ZHX2: variants seen among roughly 807,000 people sequenced by gnomAD.
ZHX2 encodes zinc fingers and homeoboxes 2.
Under a neutral mutation model 21.9 loss-of-function variants are expected in ZHX2, and 6 were observed. The observed-to-expected ratio is 0.27, with a 90% confidence interval of 0.15 to 0.54. ZHX2 has a LOEUF of 0.54. Among genes scored for constraint, ZHX2 ranks in the 20% least tolerant of loss-of-function variants. ZHX2 has a pLI of 0.95. For synonymous variants in ZHX2, 434 were observed against 437.1 expected, an observed-to-expected ratio of 0.99 and a Z score of 0.09; for missense variants, 908 against 1,090.7, an observed-to-expected ratio of 0.83 and a Z score of 2.36.
chr8:122,946,527 G>T (rs1260280936), intron 2 of ZHX2, among the ~76,000 whole-genome samples: 3 of 152,080 alleles, frequency 2.0e-5, no homozygotes, highest in African/African-American at 7.2e-5. Context: ...ACACTGAGAA[G>T]CTTCCAGGCC....
intron 3 of ZHX2, among the ~76,000 whole-genome samples, chr8:122,964,354 G>A (rs1586430296): frequency 6.6e-6 from 1 of 152,056 alleles, no homozygotes; most frequent in Non-Finnish European, 1.5e-5. Context: ...TAATCATATA[G>A]GGATGCTGGA....
At chr8:122,900,765 A>T (rs1820210936) in intron 2 of ZHX2, among the ~76,000 whole-genome samples, 1 of 152,186 alleles carries the variant, frequency 6.6e-6, no homozygotes, top group South Asian at 2.1e-4. Flanking sequence ...AGCATTTGCT[A>T]ACTATATTAT....
chr8:122,951,837 C>G lies in ZHX2; in HGVS notation c.327C>G (p.Leu109=). The G allele has an allele frequency of 6.2e-7, 1 of 1,614,164 alleles. No homozygotes were observed. The highest frequency in any genetic ancestry group is 1.1e-5 in the South Asian group (1 of 91,076). The change falls in exon 3 of 4, where the codon CTC becomes CTG. Residue 109 remains leucine, a synonymous_variant. Coordinates refer to ENST00000314393, the MANE Select transcript of ZHX2 (RefSeq NM_014943.5). The stretch of plus-strand genomic sequence containing the variant: ...ATCCCAACGTGATTCTCAACCCCCT[C>G]TACGTGTGTGCAGAATGTAACTTCA... ...MQHPNVILNP[L]YVCAECNFTT...
At chr8:122,846,543 T>C (rs955084089) in intron 1 of ZHX2, among the ~76,000 whole-genome samples, 2 of 146,738 alleles carry the variant, frequency 1.4e-5, no homozygotes, top group Non-Finnish European at 3.0e-5. Flanking sequence ...GTTTCAGACT[T>C]TGTGTATTTT....
chr8:122,875,460 C>A (rs1019657407), intron 2 of ZHX2, among the ~76,000 whole-genome samples: 1 of 152,010 alleles, frequency 6.6e-6, no homozygotes, highest in African/African-American at 2.4e-5. Context: ...GTCAACCACA[C>A]CTGGGGTTGG....
At chr8:122,845,991 CA>C (rs1818742367) in intron 1 of ZHX2, among the ~76,000 whole-genome samples, 1 of 152,174 alleles carries the variant, frequency 6.6e-6, no homozygotes, top group Non-Finnish European at 1.5e-5. Context: ...GTGGAGAAGG[CA>C]AAAGTGGAGA....
At chr8:122,935,423 T>G (rs1812659080) in intron 2 of ZHX2, among the ~76,000 whole-genome samples, 2 of 152,094 alleles carry the variant, frequency 1.3e-5, no homozygotes, top group African/African-American at 4.8e-5. Context: ...TCAGTGAGCC[T>G]CCCCGTTTTC....
At chr8:122,949,167 A>G (rs141979445) in intron 2 of ZHX2, among the ~76,000 whole-genome samples, 180 of 152,278 alleles carry the variant, frequency 1.2e-3, no homozygotes, top group African/African-American at 4.3e-3. Context: ...TCTACTAAAA[A>G]TACAAAATTA....
chr8:122,864,955 G>A (rs1819252263), intron 2 of ZHX2, among the ~76,000 whole-genome samples: 1 of 152,182 alleles, frequency 6.6e-6, no homozygotes, highest in South Asian at 2.1e-4. Flanking sequence ...GGGCCCCTGA[G>A]GGCAGGGCTC....
chr8:122,964,228 CA>C (rs1813525080), intron 3 of ZHX2, among the ~76,000 whole-genome samples: 1 of 152,096 alleles, frequency 6.6e-6, no homozygotes, highest in East Asian at 1.9e-4. Context: ...TTCCGGTTTT[CA>C]GGGGAACTAC....
chr8:122,917,023 G>A (rs1173146957), intron 2 of ZHX2, among the ~76,000 whole-genome samples: 1 of 151,988 alleles, frequency 6.6e-6, no homozygotes, highest in Non-Finnish European at 1.5e-5. Context: ...CAGCACCTCT[G>A]TCCCCAGTCC....
chr8:122,902,389 T>A (rs927835153), intron 2 of ZHX2, among the ~76,000 whole-genome samples: 19 of 152,256 alleles, frequency 1.2e-4, no homozygotes, highest in African/African-American at 4.6e-4. Context: ...CAAAAACAGC[T>A]GTGTGACTTT....
chr8:122,813,697 C>T (rs942263550), intron 1 of ZHX2, among the ~76,000 whole-genome samples: 1 of 152,122 alleles, frequency 6.6e-6, no homozygotes, highest in African/African-American at 2.4e-5. Flanking sequence ...GAATACATCC[C>T]TGTTGAGCAT....
At chr8:122,786,494 G>A (rs1057351868) in intron 1 of ZHX2, among the ~76,000 whole-genome samples, 8 of 152,264 alleles carry the variant, frequency 5.3e-5, no homozygotes, top group African/African-American at 1.9e-4. Flanking sequence ...GATCACTTTA[G>A]TAGCTGCTGT....
chr8:122,861,623 C>G (rs1382800217), intron 1 of ZHX2, among the ~76,000 whole-genome samples: 1 of 151,988 alleles, frequency 6.6e-6, no homozygotes, highest in Non-Finnish European at 1.5e-5. Context: ...CTGTGATGTC[C>G]CCCTCCTCAT....
chr8:122,808,443 A>G (rs1310811774), intron 1 of ZHX2, among the ~76,000 whole-genome samples: 1 of 152,162 alleles, frequency 6.6e-6, no homozygotes, highest in Non-Finnish European at 1.5e-5. Flanking sequence ...CAAAAGGGGG[A>G]AAAGCCCCTT....
chr8:122,971,695 T>A (rs751960611), intron 3 of ZHX2, among the ~76,000 whole-genome samples: 19 of 150,072 alleles, frequency 1.3e-4, no homozygotes, highest in Non-Finnish European at 1.0e-4. Context: ...AAAAGGCCAG[T>A]GGCTCCGAGA....
Position 122,953,681 on chromosome 8 carries a change from G to C in ZHX2, c.2171G>C (p.Gly724Ala), listed in dbSNP as rs754243702. Residue 724 changes from glycine (G) to alanine (A), a missense_variant, in exon 3 of 4, where the codon GGT (glycine) becomes GCT (alanine). Around this residue, in one of 4 missense-constraint regions of ZHX2, gnomAD observed 431 missense variants for 428.6 expected, o/e 1.01. Transcript: ENST00000314393. This position sits in a 1 kb window ranked among gnomAD's most constrained non-coding sequence, Gnocchi z 4.6. ...ATGGCCGAGAGCCCAAAGAACGGGG[G>C]TGATGTGGTTCCACAATATTACAAG... ...KPMAESPKNG[G>A]DVVPQYYKDP... The C allele has an allele frequency of 2.5e-6, 4 of 1,614,260 alleles. No individual in the cohort carries two copies. The highest frequency in any genetic ancestry group is 3.4e-6 in the Non-Finnish European group (4 of 1,180,050).
intron 2 of ZHX2, among the ~76,000 whole-genome samples, chr8:122,910,643 C>CACGGGGTTACTGGTGGGGCAGT (rs1226448225): frequency 7.9e-5 from 12 of 152,238 alleles, no homozygotes; most frequent in African/African-American, 2.2e-4. Context: ...CTCCCTCAGG[C>CACGGGGTTACTGGTGGGGCAGT]ACGGGGTTAC....
Sources: gnomAD v4.1 joint callset for allele counts (sites outside exome capture counted in the v4.1 genomes callset) on GRCh38, gnomAD v4.1.1 for gene constraint, gnomAD v4.1.1 regional missense constraint, Gnocchi (gnomAD v3.1) non-coding constraint, MANE v1.5 for transcripts, NCBI Gene and HGNC (gene_info 2026-07-23, HGNC 2026-07-21) for gene names.